PDE4D: variants seen among roughly 807,000 people sequenced by gnomAD.
PDE4D encodes phosphodiesterase 4D, also known as 3',5'-cyclic-AMP phosphodiesterase 4D.
PDE4D carries 24 observed loss-of-function variants against 87.4 expected under a neutral mutation model. That is an observed-to-expected ratio of 0.27 (90% CI 0.20 to 0.39). The LOEUF (loss-of-function observed/expected upper bound fraction) is 0.39, where lower values mean the gene tolerates loss of function less well. Among genes scored for constraint, PDE4D ranks in the 10% least tolerant of loss-of-function variants. The probability of loss-of-function intolerance (pLI) is 1.00; values close to 1 mark genes in which losing one functional copy is unlikely to be tolerated. For synonymous variants in PDE4D, 384 were observed against 383.2 expected (o/e 1.00, Z -0.02); for missense variants, 714 against 1,041.0 (o/e 0.69, Z 4.32).
rs762506771 is a variant in PDE4D, at chr5:59,985,124, G to GTTTTTTTTTTTTTTT, written c.272+3363_272+3364insAAAAAAAAAAAAAAA. 9.7e-4 allele frequency among the ~76,000 whole-genome samples: 108 copies of GTTTTTTTTTTTTTTT among 111,336 alleles called. 31 individuals carry two copies. The highest frequency in any genetic ancestry group is 9.0e-3 in the East Asian group (24 of 2,656). The allele number at this position is 111,336 out of a possible 152,430, so 73.0% of individuals were successfully genotyped here. A position where few individuals can be genotyped will look rare whatever the true frequency, so the allele number is the denominator to read the frequency against. On this transcript the variant is annotated intron_variant, in intron 3 of 16. Coordinates refer to the PDE4D transcript ENST00000502484. ...AATATAAGCCCGAACTTCACCTTTCGTTTTTTGTTTTTTGTTTTTTGTTTT... is the reference window on the plus strand; with the variant it reads ...AATATAAGCCCGAACTTCACCTTTCGTTTTTTTTTTTTTTTTTTTTTGTTTTTTGTTTTTTGTTTT...
At chr5:59,227,351 G>C (rs1381609076) in intron 1 of PDE4D, among the ~76,000 whole-genome samples, 1 of 152,034 alleles carries the variant, frequency 6.6e-6, no homozygotes, top group Non-Finnish European at 1.5e-5. Context: ...TGATAAAAAT[G>C]CCAAAAGCAA....
chr5:59,082,233 C>T (rs1766896710), intron 5 of PDE4D, among the ~76,000 whole-genome samples: 2 of 152,050 alleles, frequency 1.3e-5, no homozygotes, highest in Non-Finnish European at 2.9e-5. Flanking sequence ...TAGAATAGTT[C>T]CTTTTCATGG....
At chr5:59,216,342 G>A (rs1751258750) in intron 1 of PDE4D, among the ~76,000 whole-genome samples, 1 of 152,028 alleles carries the variant, frequency 6.6e-6, no homozygotes. Context: ...CCCATTTTGT[G>A]CCTAATGCTG....
At chr5:59,671,167 G>T (rs562223961) in intron 1 of PDE4D, among the ~76,000 whole-genome samples, 6 of 152,130 alleles carry the variant, frequency 3.9e-5, no homozygotes, top group African/African-American at 1.2e-4. Flanking sequence ...AATACAAGAG[G>T]CAAAGTATAA....
At chr5:60,401,296 G>C (rs187720480) in intron 1 of PDE4D, among the ~76,000 whole-genome samples, 8 of 152,174 alleles carry the variant, frequency 5.3e-5, no homozygotes, top group Non-Finnish European at 1.0e-4. Context: ...TTATTTTATG[G>C]TTAGGCTTTT....
At chr5:60,317,840 G>T (rs1288561578) in intron 1 of PDE4D, among the ~76,000 whole-genome samples, 1 of 152,198 alleles carries the variant, frequency 6.6e-6, no homozygotes, top group Non-Finnish European at 1.5e-5. Context: ...TGATTGCACT[G>T]TGGTCTGAAA....
chr5:60,144,718 G>C (rs1226290771), intron 2 of PDE4D, among the ~76,000 whole-genome samples: 1 of 152,108 alleles, frequency 6.6e-6, no homozygotes, highest in Admixed American at 6.6e-5. Context: ...CTCAGCTTTG[G>C]AATTAGATAT....
chr5:59,670,259 G>T (rs1454475474), intron 1 of PDE4D, among the ~76,000 whole-genome samples: 3 of 152,186 alleles, frequency 2.0e-5, no homozygotes, highest in Non-Finnish European at 4.4e-5. Flanking sequence ...CAAGTACTCT[G>T]TAAGTATCAT....
intron 2 of PDE4D, among the ~76,000 whole-genome samples, chr5:60,045,696 G>A (rs1769141647): frequency 6.6e-6 from 1 of 152,082 alleles, no homozygotes; most frequent in Non-Finnish European, 1.5e-5. Flanking sequence ...TATTTCTGAG[G>A]GCTCTGTTCT....
chr5:60,091,913 T>C (rs1464002383), intron 2 of PDE4D, among the ~76,000 whole-genome samples: 1 of 151,066 alleles, frequency 6.6e-6, no homozygotes, highest in Non-Finnish European at 1.5e-5. Context: ...TAGCCGGGCA[T>C]GGTGGCGCGT....
chr5:59,324,877 T>C (rs1460261980), intron 1 of PDE4D, among the ~76,000 whole-genome samples: 2 of 152,142 alleles, frequency 1.3e-5, no homozygotes, highest in Non-Finnish European at 2.9e-5. Context: ...AATTTATGCT[T>C]GGAGATGGAA....
At chr5:59,521,949 CAAT>C (rs1349887240) in intron 1 of PDE4D, among the ~76,000 whole-genome samples, 2 of 152,006 alleles carry the variant, frequency 1.3e-5, no homozygotes, top group Admixed American at 6.6e-5. Flanking sequence ...TAGTAGCCGA[CAAT>C]TATTGAGAAT....
intron 2 of PDE4D, among the ~76,000 whole-genome samples, chr5:60,080,869 G>C (rs1334408880): frequency 6.6e-6 from 1 of 152,086 alleles, no homozygotes; most frequent in African/African-American, 2.4e-5. Context: ...TACCAGTTTT[G>C]GTATCAGGAT....
At chr5:60,239,306 T>G (rs2149651899) in intron 1 of PDE4D, among the ~76,000 whole-genome samples, 1 of 152,238 alleles carries the variant, frequency 6.6e-6, no homozygotes, top group Middle Eastern at 3.4e-3. Context: ...TTATTGCTGC[T>G]CCAATATCCC....
chr5:59,175,852 A>G (rs1783799788), intron 5 of PDE4D, among the ~76,000 whole-genome samples: 1 of 138,702 alleles, frequency 7.2e-6, no homozygotes, highest in African/African-American at 2.8e-5. Context: ...CTGGTCTTGA[A>G]TTCCTGAGCT....
At chr5:59,750,639 G>A (rs1459145898) in intron 1 of PDE4D, among the ~76,000 whole-genome samples, 1 of 151,994 alleles carries the variant, frequency 6.6e-6, no homozygotes, top group African/African-American at 2.4e-5. Context: ...TCCTTTATTA[G>A]AATATGTGCT....
chr5:60,230,356 G>C (rs1306804198), intron 1 of PDE4D, among the ~76,000 whole-genome samples: 1 of 152,004 alleles, frequency 6.6e-6, no homozygotes, highest in Non-Finnish European at 1.5e-5. Context: ...GAAAAAACAA[G>C]TCCCCATTCT....
intron 1 of PDE4D, among the ~76,000 whole-genome samples, chr5:60,508,893 A>C (rs1561323013): frequency 6.7e-6 from 1 of 148,306 alleles, no homozygotes; most frequent in Non-Finnish European, 1.5e-5. Flanking sequence ...CTTTTCTTTT[A>C]TTTATTTATT....
At chr5:59,248,974 A>C (rs748403529) in intron 1 of PDE4D, among the ~76,000 whole-genome samples, 6 of 152,116 alleles carry the variant, frequency 3.9e-5, no homozygotes, top group Non-Finnish European at 8.8e-5. Context: ...CAAAGAAAGA[A>C]GTTACAAAAG....
Sources: allele counts gnomAD v4.1 joint callset (sites outside exome capture counted in the v4.1 genomes callset), GRCh38; gene constraint gnomAD v4.1.1; transcripts MANE v1.5; gene names NCBI Gene and HGNC (gene_info 2026-07-23, HGNC 2026-07-21).